The following ZSCAN25 variants were observed in gnomAD, a reference collection of about 807,000 sequenced individuals.
The protein encoded by ZSCAN25 is zinc finger and SCAN domain containing 25, also known as zinc finger and SCAN domain-containing protein 25.
ZSCAN25 carries 27 observed loss-of-function variants against 38.7 expected under a neutral mutation model. The ratio of observed to expected loss-of-function variants is 0.70; its 90% CI spans 0.51 to 0.96. The LOEUF (loss-of-function observed/expected upper bound fraction) is 0.96. Ranked by LOEUF, ZSCAN25 falls within the 40% of genes least tolerant of loss-of-function variation. The pLI is 0.00. For missense variants in ZSCAN25, 637 were observed against 705.9 expected, an observed-to-expected ratio of 0.90 and a Z score of 1.11; for synonymous variants, 273 against 277.7, an observed-to-expected ratio of 0.98 and a Z score of 0.17.
the ZSCAN25 span, among the ~76,000 whole-genome samples, chr7:99,719,514 T>C: frequency 1.3e-5 from 2 of 152,122 alleles, no homozygotes; most frequent in Non-Finnish European, 2.9e-5. Flanking sequence ...AGCATTAAAC[T>C]TTATGACTTT....
chr7:99,663,864 C>A, the ZSCAN25 span: 1 of 1,443,618 alleles, frequency 6.9e-7, no homozygotes, highest in Non-Finnish European at 9.1e-7. Context: ...AACATAAGTT[C>A]TCTGTCTTTA....
the ZSCAN25 span, among the ~76,000 whole-genome samples, chr7:99,681,620 G>A: frequency 3.3e-5 from 5 of 152,182 alleles, no homozygotes; most frequent in African/African-American, 1.2e-4. Context: ...TTTGAAAAAT[G>A]TCTATTCAAA....
At chr7:99,697,016 G>A in the ZSCAN25 span, among the ~76,000 whole-genome samples, 1 of 152,128 alleles carries the variant, frequency 6.6e-6, no homozygotes, top group Non-Finnish European at 1.5e-5. Context: ...GGCAGAAGTC[G>A]CTATGCTTCC....
the ZSCAN25 span, chr7:99,705,137 A>T: frequency 4.0e-6 from 1 of 250,802 alleles, no homozygotes; most frequent in Admixed American, 5.0e-5. Context: ...TAGAGCCATC[A>T]AAATAATTCC....
At chr7:99,689,726 G>T in the ZSCAN25 span, among the ~76,000 whole-genome samples, 2,583 of 152,198 alleles carry the variant, frequency 0.017, 84 homozygotes, top group African/African-American at 0.057. Context: ...AAAATACCTA[G>T]GAATCCACCT....
chr7:99,647,754 C>A, the ZSCAN25 span: 1 of 985,304 alleles, frequency 1.0e-6, no homozygotes, highest in Non-Finnish European at 1.2e-6. Context: ...CCCACACCAA[C>A]AGTGATTACA....
chr7:99,649,017 A>G, the ZSCAN25 span, among the ~76,000 whole-genome samples: 21 of 152,298 alleles, frequency 1.4e-4, 2 homozygotes, highest in East Asian at 3.9e-3. Flanking sequence ...TTCTAGCACT[A>G]TTGTCACTGA....
downstream of ZSCAN25, among the ~76,000 whole-genome samples, chr7:99,634,895 T>C (rs1043302092): frequency 9.9e-5 from 15 of 152,120 alleles, no homozygotes; most frequent in African/African-American, 3.6e-4. Flanking sequence ...TGAGCCGAGA[T>C]CATGCCACTG....
chr7:99,628,304 C>T (rs1362368680), intron 7 of ZSCAN25, among the ~76,000 whole-genome samples: 7 of 152,212 alleles, frequency 4.6e-5, no homozygotes, highest in Admixed American at 4.6e-4. Flanking sequence ...TTCTAGTCAT[C>T]TTGCCTAAAA....
Position 99,624,127 on chromosome 7 carries a change from A to T in ZSCAN25, c.752A>T (p.Gln251Leu). The T allele has an allele frequency of 6.2e-7, 1 of 1,614,112 alleles. No homozygotes were observed. Among genetic ancestry groups the T allele is most frequent in the Non-Finnish European group, 8.5e-7 (1 of 1,180,024 alleles). Residue 251 changes from glutamine to leucine, a missense_variant, in exon 7 of 8, where the codon CAG (glutamine) becomes CTG (leucine). Transcript: ENST00000394152. ...EEEWRHVTPA[Q>L]IDCFGEYVEP... ...GAGTGGAGGCATGTGACCCCAGCCC[A>T]GATAGACTGCTTTGGGGAGTATGTG... is the stretch of plus-strand genomic sequence containing the variant.
chr7:99,667,123 A>C, the ZSCAN25 span: 1 of 1,494,752 alleles, frequency 6.7e-7, no homozygotes, highest in Non-Finnish European at 9.2e-7. Context: ...TCATGGTTGC[A>C]CAAAATATAT....
the ZSCAN25 span, among the ~76,000 whole-genome samples, chr7:99,680,836 C>T: frequency 3.3e-5 from 5 of 152,310 alleles, no homozygotes; most frequent in Non-Finnish European, 7.3e-5. Context: ...AGAGACTTAC[C>T]TGTTGAGAGT....
At chr7:99,716,045 C>CCCATCACACTCCCTCAGAAGGTGATTA in the ZSCAN25 span, 3 of 1,529,056 alleles carry the variant, frequency 2.0e-6, no homozygotes, top group Non-Finnish European at 2.7e-6. Flanking sequence ...TGGAGCATCT[C>CCCATCACACTCCCTCAGAAGGTGATTA]CCATCACACT....
chr7:99,711,636 C>T, the ZSCAN25 span, among the ~76,000 whole-genome samples: 24 of 152,248 alleles, frequency 1.6e-4, no homozygotes, highest in African/African-American at 5.8e-4. Context: ...GGCATGGTGA[C>T]GCATGCCTGT....
At chr7:99,638,380 T>A in the ZSCAN25 span, 1 of 1,598,632 alleles carries the variant, frequency 6.3e-7, no homozygotes, top group Non-Finnish European at 8.6e-7. Flanking sequence ...TGGGGTTTCA[T>A]GGCATCGGGC....
the ZSCAN25 span, among the ~76,000 whole-genome samples, chr7:99,644,689 A>T: frequency 2.6e-5 from 4 of 152,192 alleles, no homozygotes; most frequent in Non-Finnish European, 5.9e-5. Context: ...TTCCCAAGTC[A>T]ATGAGTGGAG....
chr7:99,681,509 G>T, the ZSCAN25 span, among the ~76,000 whole-genome samples: 2 of 152,158 alleles, frequency 1.3e-5, no homozygotes, highest in Non-Finnish European at 2.9e-5. Context: ...ATTTTAGCTG[G>T]GGTAAGATGA....
chr7:99,647,908 A>G, the ZSCAN25 span: 1 of 982,646 alleles, frequency 1.0e-6, no homozygotes, highest in Non-Finnish European at 1.2e-6. Flanking sequence ...TATTACAAAT[A>G]AAACGTGATA....
the ZSCAN25 span, among the ~76,000 whole-genome samples, chr7:99,713,246 A>C: frequency 1.3e-5 from 2 of 152,182 alleles, no homozygotes; most frequent in Non-Finnish European, 2.9e-5. Flanking sequence ...TCTTCCTGGC[A>C]TGCCAGTTTT....
Sources: allele counts gnomAD v4.1 joint callset (sites outside exome capture counted in the v4.1 genomes callset), GRCh38; gene constraint gnomAD v4.1.1; transcripts MANE v1.5; gene names NCBI Gene and HGNC (gene_info 2026-07-23, HGNC 2026-07-21).